Variants in SH3D19 observed in about 807,000 individuals in gnomAD.
SH3D19 encodes SH3 domain containing 19, also known as SH3 domain-containing protein 19.
SH3D19 carries 58 observed loss-of-function variants against 112.1 expected under a neutral mutation model. That is an observed-to-expected ratio of 0.52 (90% CI 0.42 to 0.64). SH3D19 has a LOEUF of 0.64. SH3D19 is among the 30% of genes least tolerant of loss of function. The pLI, the probability that SH3D19 is intolerant of heterozygous loss-of-function variation, is 0.00. For missense variants in SH3D19, 1,090 were observed against 1,263.4 expected (o/e 0.86, Z 2.08); for synonymous variants, 391 against 448.5 (o/e 0.87, Z 1.62).
intron 1 of SH3D19, chr4:151,300,602 T>C (rs940942326): frequency 5.4e-5 from 8 of 148,726 alleles, no homozygotes; most frequent in African/African-American, 2.1e-4. Flanking sequence ...TCATCAAGCA[T>C]TCCATTTTTT....
chr4:151,295,232 C>G (rs1359466492), intron 1 of SH3D19, among the ~76,000 whole-genome samples: 1 of 152,200 alleles, frequency 6.6e-6, no homozygotes, highest in African/African-American at 2.4e-5. Flanking sequence ...GAATCCCACA[C>G]CACTGCTCAT....
intron 2 of SH3D19, among the ~76,000 whole-genome samples, chr4:151,214,802 T>G (rs868818115): frequency 0.023 from 1,274 of 55,172 alleles, no homozygotes; most frequent in Non-Finnish European, 0.048. Flanking sequence ...GCGCCTGGCC[T>G]GGCGGGGGCT....
chr4:151,145,310 C>T (rs761778448), intron 11 of SH3D19, among the ~76,000 whole-genome samples: 13 of 152,292 alleles, frequency 8.5e-5, no homozygotes, highest in Admixed American at 6.5e-4. Context: ...GTGACCTGCA[C>T]GTATACATCT....
intron 1 of SH3D19, among the ~76,000 whole-genome samples, chr4:151,280,146 G>A (rs776065867): frequency 1.9e-4 from 13 of 67,142 alleles, no homozygotes; most frequent in Non-Finnish European, 5.8e-4. Flanking sequence ...GAAAGTTGGA[G>A]ACAGGCACTA....
intron 2 of SH3D19, among the ~76,000 whole-genome samples, chr4:151,221,549 CAAT>C (rs964428515): frequency 1.3e-5 from 2 of 152,148 alleles, no homozygotes; most frequent in African/African-American, 4.8e-5. Flanking sequence ...CACACAGATC[CAAT>C]AATAGTCGTG....
At chr4:151,280,148 C>T (rs1438463333) in intron 1 of SH3D19, among the ~76,000 whole-genome samples, 1 of 67,452 alleles carries the variant, frequency 1.5e-5, no homozygotes. Context: ...AAGTTGGAGA[C>T]AGGCACTATA....
chr4:151,140,504 T>C (rs531166505), intron 12 of SH3D19: 2 of 152,388 alleles, frequency 1.3e-5, no homozygotes, highest in South Asian at 4.1e-4. Flanking sequence ...TAACATTCTC[T>C]ATCCATCTAG....
intron 12 of SH3D19, among the ~76,000 whole-genome samples, chr4:151,143,299 T>C (rs1753347857): frequency 6.6e-6 from 1 of 151,966 alleles, no homozygotes; most frequent in South Asian, 2.1e-4. Context: ...TTTGGCAGTA[T>C]AACTTCCACT....
intron 3 of SH3D19, among the ~76,000 whole-genome samples, chr4:151,185,338 G>T (rs141522460): frequency 6.9e-4 from 105 of 152,174 alleles, no homozygotes; most frequent in Non-Finnish European, 1.1e-3. Flanking sequence ...GTCCTCAGAC[G>T]TCAGCGTCTC....
In SH3D19 at chr4:151,187,273, G is replaced by A. The variant is rs189643770; in HGVS notation, c.193+150C>T. On this transcript the variant is annotated intron_variant, in intron 3 of 19. Transcript: ENST00000604030. ...ATCAATAAATATAGGCTGAAAAGTA[G>A]CTGTTTGTCTGAAATGCTTTAATAC... 60 of 411,614 alleles carry A rather than the reference G, an allele frequency of 1.5e-4. No homozygotes were observed. In the Admixed American group the frequency reaches 2.4e-3, roughly 17 times the overall value. The allele number at this position is 411,614 out of a possible 1,614,324, so 25.5% of individuals were successfully genotyped here.
chr4:151,265,569 C>CT (rs763878307), intron 1 of SH3D19, among the ~76,000 whole-genome samples: 1,594 of 126,130 alleles, frequency 0.013, 45 homozygotes, highest in African/African-American at 0.048. Context: ...TATTTCTTTT[C>CT]TTTTTTTTTT....
intron 1 of SH3D19, among the ~76,000 whole-genome samples, chr4:151,292,784 AC>A (rs761010994): frequency 3.7e-4 from 56 of 152,226 alleles, no homozygotes; most frequent in African/African-American, 1.1e-3. Flanking sequence ...TATAAAAAAA[AC>A]TTTGTTTCTG....
At chr4:151,273,219 AGAG>A (rs1467022554) in intron 1 of SH3D19, among the ~76,000 whole-genome samples, 3 of 152,216 alleles carry the variant, frequency 2.0e-5, no homozygotes, top group Admixed American at 2.0e-4. Context: ...TAAACAAAGG[AGAG>A]GAGAGATTCT....
At position 151,159,339 on chromosome 4, in the gene SH3D19, A is replaced by C; in HGVS notation, c.1656T>G (p.Asp552Glu). 1 of 1,576,064 alleles carries C rather than the reference A, an allele frequency of 6.3e-7. No homozygotes were observed. Among genetic ancestry groups the C allele is most frequent in the Non-Finnish European group, 8.6e-7 (1 of 1,163,816 alleles). ...CAGGGAGAGGAGGTGGACTTTGTGGATCCTCATGTAAACCTGGAAAAAGTA... is the reference window on the plus strand; with the variant it reads ...CAGGGAGAGGAGGTGGACTTTGTGGCTCCTCATGTAAACCTGGAAAAAGTA... ...PAKPGKCLHE[D>E]PQSPPPLPAE... Residue 552 changes from aspartate to glutamate, a missense_variant, in exon 9 of 20, where the codon GAT becomes GAG. Physicochemically the swap from Asp to Glu is conservative, Grantham distance 45. Transcript: ENST00000604030.
At chr4:151,149,598 A>T in intron 9 of SH3D19, 37 bp from the exon 10 acceptor site, 3 of 1,583,914 alleles carry the variant, frequency 1.9e-6, no homozygotes, top group Non-Finnish European at 2.6e-6. Flanking sequence ...GTTAAGGTTA[A>T]TCTGAAACAA....
Position 151,227,675 on chromosome 4 carries a change from C to T in SH3D19, c.113-1589G>A, listed in dbSNP as rs942193399. On this transcript the variant is annotated intron_variant, in intron 1 of 19. Transcript: ENST00000604030. ...AGTTTTTAGCCTGCTAGCTTCGCTA[C>T]AAAAATGAAGTATAATGTCTCAAAG... is the stretch of plus-strand genomic sequence containing the variant. The T allele has an allele frequency of 4.1e-5, 37 of 892,916 alleles. 2 individuals are homozygous for T. In the African/African-American group the frequency reaches 5.2e-4, roughly 13 times the overall value. The allele number at this position is 892,916 out of a possible 1,614,324, so 55.3% of individuals were successfully genotyped here.
chr4:151,148,049 T>C lies in SH3D19; in HGVS notation c.1955A>G (p.Asp652Gly). 3.1e-6 allele frequency: 5 copies of C among 1,614,126 alleles called. No individual in the cohort carries two copies. The highest frequency in any genetic ancestry group is 4.2e-6 in the Non-Finnish European group (5 of 1,180,024). Residue 652 changes from aspartate (D) to glycine (G), a missense_variant, in exon 11 of 20, where the codon GAT (aspartate) becomes GGT (glycine). Coordinates refer to ENST00000604030, the MANE Select transcript of SH3D19 (RefSeq NM_001378122.1). ...CAAGTTACTTTGTTTTTTCTGAAGA[T>C]CCATGTCAGAAGAGGATCGATTAAA... The part of the protein sequence containing the change: ...LPFNRSSSDM[D>G]LQKKQSNLAT...
chr4:151,217,961 T>TAC (rs898316377), intron 2 of SH3D19, among the ~76,000 whole-genome samples: 1 of 152,176 alleles, frequency 6.6e-6, no homozygotes, highest in Admixed American at 6.5e-5. Flanking sequence ...ATACTACACA[T>TAC]ACACACACAT....
chr4:151,277,031 C>T (rs1186069946), intron 1 of SH3D19: 18 of 503,790 alleles, frequency 3.6e-5, no homozygotes, highest in Non-Finnish European at 4.3e-5. Flanking sequence ...GATCTGGCAG[C>T]GGGTGAAGAC....
Sources: allele counts gnomAD v4.1 joint callset (sites outside exome capture counted in the v4.1 genomes callset), GRCh38; gene constraint gnomAD v4.1.1; transcripts MANE v1.5; gene names NCBI Gene and HGNC (gene_info 2026-07-23, HGNC 2026-07-21).